Variants in FER1L6 observed in about 807,000 individuals in gnomAD.
FER1L6 encodes the protein fer-1-like protein 6.
Under a neutral mutation model 219.2 loss-of-function variants are expected in FER1L6, and 177 were observed. The ratio of observed to expected loss-of-function variants is 0.81; its 90% confidence interval spans 0.71 to 0.91. The LOEUF (loss-of-function observed/expected upper bound fraction) is 0.91, where lower values mean the gene tolerates loss of function less well. Among genes scored for constraint, FER1L6 ranks in the 40% least tolerant of loss-of-function variants. The probability of loss-of-function intolerance (pLI) is 0.00; values close to 1 mark genes in which losing one functional copy is unlikely to be tolerated. For missense variants in FER1L6, 2,153 were observed against 2,259.9 expected (o/e 0.95, Z 0.96); for synonymous variants, 768 against 824.3 (o/e 0.93, Z 1.17).
At chr8:123,955,591 G>A (rs1043112155) in intron 1 of FER1L6, among the ~76,000 whole-genome samples, 1 of 152,184 alleles carries the variant, frequency 6.6e-6, no homozygotes, top group Non-Finnish European at 1.5e-5. Flanking sequence ...AACATTGCCC[G>A]GCCTCTCTGG....
At chr8:123,987,094 A>G (rs1816621306) in intron 12 of FER1L6, among the ~76,000 whole-genome samples, 1 of 152,166 alleles carries the variant, frequency 6.6e-6, no homozygotes, top group South Asian at 2.1e-4. Context: ...GAACTGTCAA[A>G]CTGTTCTCCA....
chr8:123,878,072 A>G (rs1009089019), intron 1 of FER1L6, among the ~76,000 whole-genome samples: 4 of 152,218 alleles, frequency 2.6e-5, no homozygotes, highest in African/African-American at 9.7e-5. Flanking sequence ...TTGTTAAGTC[A>G]TCGTGTGTCA....
intron 22 of FER1L6, among the ~76,000 whole-genome samples, chr8:124,050,197 A>T (rs1357847698): frequency 6.6e-6 from 1 of 152,160 alleles, no homozygotes; most frequent in Non-Finnish European, 1.5e-5. Flanking sequence ...CATTTTACAG[A>T]TAGTAAATTT....
intron 22 of FER1L6, among the ~76,000 whole-genome samples, chr8:124,055,887 TGG>T (rs1430593356): frequency 6.6e-6 from 1 of 152,194 alleles, no homozygotes; most frequent in African/African-American, 2.4e-5. Flanking sequence ...TTTCTAGGGA[TGG>T]CCTGCATTCC....
chr8:123,859,954 T>A (rs1199045695), intron 1 of FER1L6, among the ~76,000 whole-genome samples: 6 of 140,068 alleles, frequency 4.3e-5, no homozygotes, highest in South Asian at 2.3e-4. Flanking sequence ...TTTATTTATT[T>A]TTATTATTAT....
At chr8:123,945,121 G>A (rs1814431583) in intron 1 of FER1L6, among the ~76,000 whole-genome samples, 1 of 152,138 alleles carries the variant, frequency 6.6e-6, no homozygotes, top group Non-Finnish European at 1.5e-5. Flanking sequence ...TGAGTTCAAG[G>A]CCTGAGACCA....
chr8:123,946,524 G>A (rs1814495228), intron 1 of FER1L6, among the ~76,000 whole-genome samples: 1 of 152,216 alleles, frequency 6.6e-6, no homozygotes, highest in South Asian at 2.1e-4. Flanking sequence ...AAAGTGCTGG[G>A]ATTACAGGTG....
chr8:124,015,744 G>A (rs11785267), intron 15 of FER1L6: 74,443 of 151,274 alleles, frequency 0.49, 18,892 homozygotes, highest in Non-Finnish European at 0.57. Flanking sequence ...CTATGTTAGG[G>A]GATTACTTGG....
At chr8:123,969,171 AGC>A (rs1293320241) in intron 5 of FER1L6, among the ~76,000 whole-genome samples, 1 of 152,238 alleles carries the variant, frequency 6.6e-6, no homozygotes, top group Non-Finnish European at 1.5e-5. Context: ...GAATCTGGGT[AGC>A]ATCTTTTAAA....
chr8:124,050,755 A>T (rs1443497637), intron 22 of FER1L6, among the ~76,000 whole-genome samples: 2 of 152,070 alleles, frequency 1.3e-5, no homozygotes, highest in East Asian at 3.9e-4. Context: ...GAGAGAAGTT[A>T]TCTCTCTTGT....
intron 15 of FER1L6, among the ~76,000 whole-genome samples, chr8:124,016,484 T>C (rs1195206140): frequency 1.3e-5 from 2 of 152,114 alleles, no homozygotes; most frequent in African/African-American, 2.4e-5. Flanking sequence ...AAAATAAATA[T>C]ACCAAGTAGG....
chr8:123,958,197 C>A (rs1815102185), intron 2 of FER1L6, among the ~76,000 whole-genome samples: 1 of 152,214 alleles, frequency 6.6e-6, no homozygotes, highest in African/African-American at 2.4e-5. Context: ...TTCTGGGAAT[C>A]TAATGGCAAA....
intron 33 of FER1L6, among the ~76,000 whole-genome samples, chr8:124,086,088 A>C (rs1487512470): frequency 6.6e-6 from 1 of 151,934 alleles, no homozygotes; most frequent in Non-Finnish European, 1.5e-5. Flanking sequence ...TTTTTAGTCT[A>C]TGTGTATCTT....
intron 1 of FER1L6, among the ~76,000 whole-genome samples, chr8:123,925,569 A>G (rs1040565537): frequency 6.6e-6 from 1 of 152,248 alleles, no homozygotes; most frequent in Admixed American, 6.5e-5. Context: ...TGAAATTGGC[A>G]TTACCATGAA....
intron 12 of FER1L6, among the ~76,000 whole-genome samples, chr8:123,998,995 T>C (rs1432520859): frequency 1.3e-5 from 2 of 152,114 alleles, no homozygotes; most frequent in Non-Finnish European, 2.9e-5. Context: ...AGAAATGCTG[T>C]CTAGGAGAGT....
chr8:124,069,470 T>A lies in FER1L6; in HGVS notation c.3829T>A (p.Leu1277Met). The change falls in exon 29 of 41, where the codon TTG becomes ATG. Residue 1277 changes from leucine (L) to methionine (M), a missense_variant. By Grantham distance (15) the Leu-to-Met change is conservative (BLOSUM62 2). Coordinates refer to ENST00000522917, the MANE Select transcript of FER1L6 (RefSeq NM_001039112.2). ...TGATGGAATCCCCAACCTGGCCATC[T>A]TGCAGGTATGTGGGGACACAGGCAT... The part of the protein sequence containing the change: ...KDDGIPNLAI[L>M]QIYDGDLESE... The A allele has an allele frequency of 4.4e-6, 7 of 1,607,610 alleles. No homozygotes were observed. The highest frequency in any genetic ancestry group is 5.9e-6 in the Non-Finnish European group (7 of 1,177,400).
chr8:123,987,464 C>T (rs1816641930), intron 12 of FER1L6, among the ~76,000 whole-genome samples: 1 of 152,054 alleles, frequency 6.6e-6, no homozygotes, highest in Non-Finnish European at 1.5e-5. Flanking sequence ...TTCTCCTGTT[C>T]TGTGGATTGT....
chr8:123,912,404 A>C (rs1009390719), intron 1 of FER1L6, among the ~76,000 whole-genome samples: 10 of 152,136 alleles, frequency 6.6e-5, no homozygotes, highest in Admixed American at 6.5e-4. Flanking sequence ...AGCACCTATA[A>C]GGTTTTGCAC....
intron 3 of FER1L6, among the ~76,000 whole-genome samples, chr8:123,965,680 C>T (rs1308052969): frequency 1.3e-5 from 2 of 152,192 alleles, no homozygotes; most frequent in East Asian, 3.8e-4. Flanking sequence ...CTCAGTTTCT[C>T]ATTTTGTTTA....
Sources: allele counts gnomAD v4.1 joint callset (sites outside exome capture counted in the v4.1 genomes callset), GRCh38; gene constraint gnomAD v4.1.1; transcripts MANE v1.5; gene names NCBI Gene and HGNC (gene_info 2026-07-23, HGNC 2026-07-21).